ARHGAP17: variants seen among roughly 807,000 people sequenced by gnomAD.
The protein encoded by ARHGAP17 is rho GTPase-activating protein 17.
In ARHGAP17, 57 loss-of-function variants were observed where a neutral mutation model predicts 99.5. The ratio of observed to expected loss-of-function variants is 0.57; its 90% CI spans 0.46 to 0.71. The LOEUF (loss-of-function observed/expected upper bound fraction) is 0.71. Ranked by LOEUF, ARHGAP17 falls within the 30% of genes least tolerant of loss-of-function variation. The pLI is 0.00. For missense variants in ARHGAP17, 1,000 were observed against 1,122.4 expected (o/e 0.89, Z 1.56); for synonymous variants, 417 against 429.6 (o/e 0.97, Z 0.36).
rs1331678570 is a variant in ARHGAP17 at position 24,931,263 on chromosome 16, G to C, written c.2036C>G (p.Thr679Ser). 6.5e-7 allele frequency: 1 copy of C among 1,537,328 alleles called. No homozygotes were observed. Residue 679 changes from threonine (T) to serine (S), a missense_variant, in exon 19 of 20, where the codon ACC (threonine) becomes AGC (serine). Around this residue, in one of 2 missense-constraint regions of ARHGAP17, gnomAD observed 528 missense variants for 511.4 expected, o/e 1.03. Transcript: ENST00000289968. The stretch of plus-strand genomic sequence containing the variant: ...GCCTGGAGGCTGGCCCGTGTGCTGG[G>C]TGGGAGGAGAGGGGCTTCGGGTGGG... ...KPPTRSPSPP[T>S]QHTGQPPGQP...
At chr16:24,953,600 A>T (rs1248783645) in intron 10 of ARHGAP17, among the ~76,000 whole-genome samples, 1 of 152,126 alleles carries the variant, frequency 6.6e-6, no homozygotes, top group African/African-American at 2.4e-5. Flanking sequence ...CCCTTCCGCC[A>T]TGACTGTAAG....
intron 1 of ARHGAP17, among the ~76,000 whole-genome samples, chr16:24,983,187 T>C (rs559420377): frequency 5.9e-5 from 9 of 151,282 alleles, no homozygotes; most frequent in Middle Eastern, 3.4e-3. Flanking sequence ...CTATTTTTAG[T>C]AGAGACAGGG....
Position 24,935,586 on chromosome 16 carries a change from T to C in ARHGAP17, c.1778A>G (p.Asn593Ser), listed in dbSNP as rs568658537. 1 of 1,614,136 alleles carries C rather than the reference T, an allele frequency of 6.2e-7. No homozygotes were observed. The highest frequency in any genetic ancestry group is 1.3e-5 in the African/African-American group (1 of 75,034). Reference protein sequence around the residue: ...VSAAVPAPGRNNSQIASGQNQ... With the variant: ...VSAAVPAPGRSNSQIASGQNQ... ...TTGGCCAGATGCTATCTGACTGTTG[T>C]TTCTCCCTGGTGCTGGCACAGCTGC... Residue 593 changes from asparagine to serine, a missense_variant, in exon 18 of 20, where the codon AAC becomes AGC. Physicochemically the swap from Asn to Ser is conservative, Grantham distance 46. This residue lies in a region of ARHGAP17 where 528 missense variants were observed against 511.4 expected (regional missense o/e 1.03). Coordinates refer to ENST00000289968, the MANE Select transcript of ARHGAP17 (RefSeq NM_001006634.3).
At chr16:24,982,994 A>ATTTTTT (rs2052739702) in intron 1 of ARHGAP17, among the ~76,000 whole-genome samples, 1 of 17,386 alleles carries the variant, frequency 5.8e-5, no homozygotes, top group African/African-American at 1.6e-4. Context: ...ATATATATAT[A>ATTTTTT]TATTTTTTTT....
intron 1 of ARHGAP17, among the ~76,000 whole-genome samples, chr16:24,985,522 G>A (rs1283922256): frequency 1.3e-5 from 2 of 152,166 alleles, no homozygotes; most frequent in Non-Finnish European, 2.9e-5. Flanking sequence ...CTCTGCCACA[G>A]TCACCTCTTC....
At chr16:24,982,639 AT>A (rs1431560954) in intron 1 of ARHGAP17, among the ~76,000 whole-genome samples, 2 of 151,878 alleles carry the variant, frequency 1.3e-5, no homozygotes, top group Non-Finnish European at 2.9e-5. Context: ...AAATGACCTG[AT>A]CTCCCTCATC....
At chr16:24,937,116 G>A (rs967139033) in intron 17 of ARHGAP17, among the ~76,000 whole-genome samples, 19 of 130,460 alleles carry the variant, frequency 1.5e-4, no homozygotes, top group Non-Finnish European at 1.1e-4. Context: ...GACCCTGTCT[G>A]AAAAAAAAAA....
In ARHGAP17 at chr16:24,919,794, G is replaced by C; in HGVS notation, c.*336C>G. On this transcript the variant is annotated 3_prime_UTR_variant, in exon 20 of 20. Coordinates refer to ENST00000289968, the MANE Select transcript of ARHGAP17 (RefSeq NM_001006634.3). ...TCTTACTCATTCCAAGTTGCTGTAG[G>C]TGCTGCCCGCATTAACAGCAGGGAC... 1 of 194,172 alleles carries C rather than the reference G, an allele frequency of 5.2e-6. No homozygotes were observed. The highest frequency in any genetic ancestry group is 1.3e-4 in the East Asian group (1 of 7,898). The allele number at this position is 194,172 out of a possible 1,614,324, so 12.0% of individuals were successfully genotyped here.
chr16:25,013,706 C>G (rs2053704963), intron 1 of ARHGAP17, among the ~76,000 whole-genome samples: 1 of 152,016 alleles, frequency 6.6e-6, no homozygotes, highest in Non-Finnish European at 1.5e-5. Context: ...AGATTTAAGT[C>G]TCAGAACTTT....
chr16:24,983,342 T>C (rs2052759909), intron 1 of ARHGAP17, among the ~76,000 whole-genome samples: 1 of 150,710 alleles, frequency 6.6e-6, no homozygotes, highest in Non-Finnish European at 1.5e-5. Context: ...TTGCTCTACC[T>C]CCCATGCTGA....
chr16:24,930,465 C>T (rs2050951331), intron 19 of ARHGAP17, among the ~76,000 whole-genome samples: 2 of 152,186 alleles, frequency 1.3e-5, no homozygotes, highest in African/African-American at 4.8e-5. Context: ...AACACACAAG[C>T]AACTATAAGT....
chr16:24,932,231 G>A lies in ARHGAP17; in HGVS notation c.1895-827C>T, dbSNP rs148376149. On this transcript the variant is annotated intron_variant, in intron 18 of 19. Coordinates refer to ENST00000289968, the MANE Select transcript of ARHGAP17 (RefSeq NM_001006634.3). ...AGGGGAAACTGAGTAAGGGGCATAT[G>A]GGAACTCTCAGCATTATCTTTGCAA... 1.2e-3 allele frequency among the ~76,000 whole-genome samples: 187 copies of A among 152,236 alleles called. No homozygotes were observed. The South Asian group carries it at 0.024, about 20-fold the overall frequency.
intron 2 of ARHGAP17, 34 bp downstream of exon 2, chr16:24,978,932 A>G (rs2052596524): frequency 6.5e-7 from 1 of 1,541,882 alleles, no homozygotes; most frequent in Non-Finnish European, 8.7e-7. Flanking sequence ...CCATCCTTTA[A>G]ACAGATCATT....
chr16:24,964,334 T>A, intron 6 of ARHGAP17, 26 bp from the exon 7 acceptor site: 1 of 1,509,634 alleles, frequency 6.6e-7, no homozygotes, highest in Non-Finnish European at 9.2e-7. Context: ...GTCACCAGCA[T>A]CTGAGAACCA....
At chr16:24,964,053 GAGA>G in intron 7 of ARHGAP17, 141 bp downstream of exon 7, 1 of 534,222 alleles carries the variant, frequency 1.9e-6, no homozygotes, top group Non-Finnish European at 3.2e-6. Context: ...TATAGTCTTA[GAGA>G]AGAAGAAAAT....
intron 3 of ARHGAP17, among the ~76,000 whole-genome samples, chr16:24,975,794 T>C (rs1052714080): frequency 2.0e-5 from 3 of 152,212 alleles, no homozygotes; most frequent in African/African-American, 7.2e-5. Context: ...GTTTACCGCA[T>C]GCTCATAAGC....
chr16:24,939,492 G>A lies in ARHGAP17; in HGVS notation c.1596C>T (p.Gly532=). Residue 532 remains glycine, a synonymous_variant, in exon 17 of 20, where the codon GGC becomes GGT. Transcript: ENST00000289968. ...AFQPPLPPTD[G]STVVPAGPEP... ...CTGGGCCAGCGGGCACCACGGTGCT[G>A]CCATCTGTGGGCGGAAGTGGCGGCT... 2 of 1,611,716 alleles carry A rather than the reference G, an allele frequency of 1.2e-6. No individual in the cohort carries two copies. The highest frequency in any genetic ancestry group is 1.7e-6 in the Non-Finnish European group (2 of 1,179,308).
At chr16:24,993,161 T>C (rs531483399) in intron 1 of ARHGAP17, among the ~76,000 whole-genome samples, 1 of 152,190 alleles carries the variant, frequency 6.6e-6, no homozygotes, top group Non-Finnish European at 1.5e-5. Context: ...AAATTTCCAA[T>C]ACTAAAATTT....
chr16:24,984,122 C>G (rs529880794), intron 1 of ARHGAP17, among the ~76,000 whole-genome samples: 1 of 152,334 alleles, frequency 6.6e-6, no homozygotes. Flanking sequence ...TCCAATTGGT[C>G]TGATATTTTC....
Sources: allele counts gnomAD v4.1 joint callset (sites outside exome capture counted in the v4.1 genomes callset), GRCh38; gene constraint gnomAD v4.1.1; regional missense constraint gnomAD v4.1.1; transcripts MANE v1.5; gene names NCBI Gene and HGNC (gene_info 2026-07-23, HGNC 2026-07-21).